LINC00305: variants seen among roughly 807,000 people sequenced by gnomAD.
LINC00305 encodes the protein long intergenic non-protein coding RNA 305.
At chr18:64,111,082 C>A (rs2051312867) in intron 1 of LINC00305, among the ~76,000 whole-genome samples, 1 of 152,160 alleles carries the variant, frequency 6.6e-6, no homozygotes, top group Non-Finnish European at 1.5e-5. Context: ...ATCAAATAAG[C>A]ACTCAGTAAT....
intron 1 of LINC00305, among the ~76,000 whole-genome samples, chr18:64,126,133 A>G (rs2051384106): frequency 1.3e-5 from 2 of 152,102 alleles, no homozygotes; most frequent in Non-Finnish European, 2.9e-5. Flanking sequence ...CAGCACAAGT[A>G]GACTGAGCTA....
At chr18:64,143,861 T>C (rs1252171886) in intron 1 of LINC00305, among the ~76,000 whole-genome samples, 1 of 152,000 alleles carries the variant, frequency 6.6e-6, no homozygotes, top group African/African-American at 2.4e-5. Flanking sequence ...CATACATACA[T>C]ACATACATAT....
intron 3 of LINC00305, among the ~76,000 whole-genome samples, chr18:64,085,794 C>G (rs1245772226): frequency 2.0e-5 from 3 of 152,168 alleles, no homozygotes; most frequent in Non-Finnish European, 4.4e-5. Context: ...AGGCAGCATG[C>G]AGGCTCATAA....
chr18:64,097,775 G>C (rs2051250669), intron 3 of LINC00305: 1 of 429,548 alleles, frequency 2.3e-6, no homozygotes, highest in Non-Finnish European at 4.7e-6. Context: ...AAGTAGCCAT[G>C]GAAACATTCC....
In LINC00305 at chr18:64,083,489, C is replaced by T; in HGVS notation, n.541-3087G>A. Among the ~76,000 whole-genome samples, 2 of 152,210 alleles carry T rather than the reference C, an allele frequency of 1.3e-5. 1 individual carries two copies. The highest frequency in any genetic ancestry group is 2.9e-5 in the Non-Finnish European group (2 of 68,036). Reference sequence around the variant, plus strand: ...TATAGTCTTCAATACACTGTACGTGCTATTAACTTTGAGACAAACAGCCAA... The same window carrying T: ...TATAGTCTTCAATACACTGTACGTGTTATTAACTTTGAGACAAACAGCCAA... On this transcript the variant is annotated intron_variant and non_coding_transcript_variant, in intron 3 of 3. Coordinates refer to ENST00000666468, the Ensembl canonical transcript of LINC00305.
At chr18:64,119,144 A>G (rs1409863640) in intron 1 of LINC00305, among the ~76,000 whole-genome samples, 1 of 152,136 alleles carries the variant, frequency 6.6e-6, no homozygotes, top group Non-Finnish European at 1.5e-5. Flanking sequence ...AAAAAAGACA[A>G]TACATGTGAC....
chr18:64,090,210 A>G (rs956651472), intron 3 of LINC00305, among the ~76,000 whole-genome samples: 1 of 152,240 alleles, frequency 6.6e-6, no homozygotes, highest in Non-Finnish European at 1.5e-5. Flanking sequence ...TGAGCTTTTT[A>G]GTAGAATATG....
At chr18:64,097,762 A>C in intron 3 of LINC00305, 3 of 414,596 alleles carry the variant, frequency 7.2e-6, no homozygotes, top group Non-Finnish European at 9.7e-6. Context: ...AATACTAATA[A>C]AAAAGTAGCC....
chr18:64,092,270 T>A, intron 3 of LINC00305, among the ~76,000 whole-genome samples: 1 of 152,186 alleles, frequency 6.6e-6, no homozygotes, highest in East Asian at 1.9e-4. Flanking sequence ...TTGTAAAACA[T>A]TTGCTGACTA....
At chr18:64,094,884 T>TAAATAAATAAATAAATA (rs201820726) in intron 3 of LINC00305, among the ~76,000 whole-genome samples, 1 of 148,508 alleles carries the variant, frequency 6.7e-6, no homozygotes, top group Non-Finnish European at 1.5e-5. Context: ...AATAAATAAA[T>TAAATAAATAAATAAATA]AATAAAATAA....
chr18:64,143,564 ATATACACATATG>A (rs71164806), intron 1 of LINC00305, among the ~76,000 whole-genome samples: 81,503 of 116,024 alleles, frequency 0.7, 27,004 homozygotes, highest in Middle Eastern at 0.83. Flanking sequence ...ATGTGTACAT[ATATACACATATG>A]TATATGTACA....
At chr18:64,109,656 T>C (rs1195120529) in intron 1 of LINC00305, among the ~76,000 whole-genome samples, 1 of 152,192 alleles carries the variant, frequency 6.6e-6, no homozygotes, top group African/African-American at 2.4e-5. Flanking sequence ...ATTACTTCAT[T>C]AATCTTAACA....
intron 1 of LINC00305, among the ~76,000 whole-genome samples, chr18:64,135,794 A>T (rs937507560): frequency 5.3e-4 from 81 of 151,892 alleles, no homozygotes; most frequent in African/African-American, 1.9e-3. Context: ...CATGTTGGCC[A>T]TGTTGTTCTG....
exon 4 of LINC00305, chr18:64,080,308 A>G (rs1465460047): frequency 2.2e-6 from 1 of 457,336 alleles, no homozygotes; most frequent in Non-Finnish European, 4.4e-6. Context: ...CAGCTTAGTG[A>G]TCTCCTTTCC....
chr18:64,114,863 T>C (rs2144253277), intron 1 of LINC00305, among the ~76,000 whole-genome samples: 1 of 152,376 alleles, frequency 6.6e-6, no homozygotes, highest in East Asian at 1.9e-4. Flanking sequence ...TTATGTTTTT[T>C]TGAAAATGAG....
At chr18:64,140,082 A>G (rs2051454332) in intron 1 of LINC00305, among the ~76,000 whole-genome samples, 1 of 152,176 alleles carries the variant, frequency 6.6e-6, no homozygotes, top group Admixed American at 6.5e-5. Context: ...CCCACAGACA[A>G]GCAGGCTGCC....
chr18:64,104,916 T>C (rs995393267), intron 1 of LINC00305, among the ~76,000 whole-genome samples: 1 of 151,956 alleles, frequency 6.6e-6, no homozygotes, highest in Non-Finnish European at 1.5e-5. Flanking sequence ...GGAATTGTTC[T>C]ATTCTCGGTG....
At chr18:64,129,455 C>G (rs532057378) in intron 1 of LINC00305, among the ~76,000 whole-genome samples, 1 of 152,038 alleles carries the variant, frequency 6.6e-6, no homozygotes, top group Non-Finnish European at 1.5e-5. Context: ...GCCTTGGGTA[C>G]CAAGAGCTGC....
chr18:64,137,001 C>T (rs768137980), intron 1 of LINC00305, among the ~76,000 whole-genome samples: 5 of 152,176 alleles, frequency 3.3e-5, no homozygotes, highest in African/African-American at 9.7e-5. Context: ...TCCATGACTA[C>T]GTGGAACCTA....
Sources: allele counts gnomAD v4.1 joint callset (sites outside exome capture counted in the v4.1 genomes callset), GRCh38; gene constraint gnomAD v4.1.1; transcripts MANE v1.5; gene names NCBI Gene and HGNC (gene_info 2026-07-23, HGNC 2026-07-21).